Variants in RARB observed in about 807,000 individuals in gnomAD.
The protein encoded by RARB is retinoic acid receptor beta.
In RARB, 17 loss-of-function variants were observed where a neutral mutation model predicts 51.9. The observed-to-expected ratio is 0.33, with a 90% CI of 0.22 to 0.49. The LOEUF (loss-of-function observed/expected upper bound fraction) is 0.49. RARB is among the 20% of genes least tolerant of loss of function. The pLI is 0.99. For synonymous variants in RARB, 215 were observed against 195.4 expected (o/e 1.10, Z -0.84); for missense variants, 369 against 550.8 (o/e 0.67, Z 3.30).
chr3:25,368,518 A>G (rs891464559), intron 5 of RARB, among the ~76,000 whole-genome samples: 2 of 152,222 alleles, frequency 1.3e-5, no homozygotes, highest in African/African-American at 4.8e-5. Context: ...ACATACTTTC[A>G]TTAAAGACTG....
At chr3:24,893,380 C>T (rs78895054) in intron 2 of RARB, among the ~76,000 whole-genome samples, 2,082 of 152,268 alleles carry the variant, frequency 0.014, 26 homozygotes, top group Non-Finnish European at 0.02. Flanking sequence ...CATTTAAATG[C>T]TTGAAGACAT....
chr3:25,571,858 G>A (rs1700724872), intron 4 of RARB, among the ~76,000 whole-genome samples: 1 of 152,180 alleles, frequency 6.6e-6, no homozygotes, highest in Admixed American at 6.5e-5. Flanking sequence ...GCAGTGGAGT[G>A]GCAGAAACAT....
intron 2 of RARB, among the ~76,000 whole-genome samples, chr3:24,980,484 T>C (rs925510413): frequency 6.6e-6 from 1 of 152,188 alleles, no homozygotes; most frequent in Non-Finnish European, 1.5e-5. Flanking sequence ...CTTTCTCTAA[T>C]CTTGTCTTCT....
intron 5 of RARB, among the ~76,000 whole-genome samples, chr3:25,398,901 GT>G (rs1455463281): frequency 6.6e-6 from 1 of 152,106 alleles, no homozygotes; most frequent in African/African-American, 2.4e-5. Context: ...ATATACCTAT[GT>G]AATTTTAGAT....
chr3:24,984,200 C>T (rs770611693), intron 2 of RARB, among the ~76,000 whole-genome samples: 1 of 152,176 alleles, frequency 6.6e-6, no homozygotes, highest in African/African-American at 2.4e-5. Context: ...GTGTTCATCA[C>T]AGCGCAAAAG....
chr3:25,137,960 A>T (rs535070190), intron 4 of RARB, among the ~76,000 whole-genome samples: 2 of 152,278 alleles, frequency 1.3e-5, no homozygotes, highest in African/African-American at 2.4e-5. Flanking sequence ...ACACAAGAGT[A>T]AAGATCCTCA....
At chr3:25,261,861 G>A (rs1179655354) in intron 5 of RARB, among the ~76,000 whole-genome samples, 1 of 151,940 alleles carries the variant, frequency 6.6e-6, no homozygotes, top group Non-Finnish European at 1.5e-5. Context: ...CCAAAATTCG[G>A]TGCTTCCTTT....
intron 1 of RARB, among the ~76,000 whole-genome samples, chr3:24,836,887 T>G (rs1702352117): frequency 6.6e-6 from 1 of 152,226 alleles, no homozygotes; most frequent in African/African-American, 2.4e-5. Flanking sequence ...CCTAGATTTT[T>G]TATCATTTAT....
At chr3:25,348,399 G>C (rs994137483) in intron 5 of RARB, among the ~76,000 whole-genome samples, 1 of 123,466 alleles carries the variant, frequency 8.1e-6, no homozygotes, top group Non-Finnish European at 1.8e-5. Flanking sequence ...ATTCGGAAGA[G>C]ATTATAAAAG....
At chr3:25,494,685 T>G (rs1198821507) in intron 2 of RARB, among the ~76,000 whole-genome samples, 2 of 152,208 alleles carry the variant, frequency 1.3e-5, no homozygotes, top group Non-Finnish European at 2.9e-5. Flanking sequence ...CTAATTGGCA[T>G]CGAGTGAATG....
At chr3:25,418,132 C>G (rs1575386283) in intron 5 of RARB, among the ~76,000 whole-genome samples, 1 of 152,294 alleles carries the variant, frequency 6.6e-6, no homozygotes, top group South Asian at 2.1e-4. Context: ...ATGGCCACAC[C>G]TAGCTGCGAA....
At chr3:25,424,533 G>A (rs1039523074), upstream of RARB, among the ~76,000 whole-genome samples, 1 of 152,144 alleles carries the variant, frequency 6.6e-6, no homozygotes, top group Non-Finnish European at 1.5e-5. Context: ...TGTGGCAAGA[G>A]GGGATTAACA....
intron 5 of RARB, among the ~76,000 whole-genome samples, chr3:25,366,365 T>C (rs995889082): frequency 6.6e-6 from 1 of 152,218 alleles, no homozygotes; most frequent in Admixed American, 6.5e-5. Flanking sequence ...TCAGGATTAC[T>C]ATTTTGTTAG....
intron 1 of RARB, among the ~76,000 whole-genome samples, chr3:24,857,423 G>C (rs1702656089): frequency 1.3e-5 from 2 of 152,248 alleles, no homozygotes; most frequent in African/African-American, 4.8e-5. Flanking sequence ...AGAATGCCTA[G>C]CTAAATTTGA....
intron 4 of RARB, among the ~76,000 whole-genome samples, chr3:25,157,611 CG>C (rs1272596601): frequency 6.6e-6 from 1 of 151,920 alleles, no homozygotes; most frequent in Non-Finnish European, 1.5e-5. Context: ...TGACCAGGCT[CG>C]TCTCAAACTC....
intron 3 of RARB, among the ~76,000 whole-genome samples, chr3:25,519,796 A>G (rs1181790987): frequency 6.6e-6 from 1 of 152,190 alleles, no homozygotes; most frequent in Non-Finnish European, 1.5e-5. Context: ...AGTTTTCCTG[A>G]TTTTCTAACA....
At chr3:24,882,659 G>C (rs183414294) in intron 2 of RARB, among the ~76,000 whole-genome samples, 5 of 152,266 alleles carry the variant, frequency 3.3e-5, no homozygotes, top group Admixed American at 2.6e-4. Context: ...GAACAGAGTT[G>C]CTTACATTTT....
At chr3:25,279,647 A>G (rs1170914776) in intron 5 of RARB, among the ~76,000 whole-genome samples, 3 of 151,738 alleles carry the variant, frequency 2.0e-5, no homozygotes, top group Non-Finnish European at 4.4e-5. Context: ...AAAGGGAGAA[A>G]ATGGTAAAGA....
At chr3:25,587,920 G>C (rs563171853) in intron 5 of RARB, among the ~76,000 whole-genome samples, 5 of 152,114 alleles carry the variant, frequency 3.3e-5, no homozygotes, top group Non-Finnish European at 5.9e-5. Context: ...CTCCCTCTGA[G>C]GTTTACAAGA....
Sources: gnomAD v4.1 joint callset for allele counts (sites outside exome capture counted in the v4.1 genomes callset) on GRCh38, gnomAD v4.1.1 for gene constraint, MANE v1.5 for transcripts, NCBI Gene and HGNC (gene_info 2026-07-23, HGNC 2026-07-21) for gene names.